Variants in PCDHGB3 observed in about 807,000 individuals in gnomAD.
PCDHGB3 encodes the protein protocadherin gamma subfamily B, 3, also known as protocadherin gamma-B3.
Under a neutral mutation model 59.2 loss-of-function variants are expected in PCDHGB3, and 40 were observed. The ratio of observed to expected loss-of-function variants is 0.68; its 90% CI spans 0.52 to 0.88. PCDHGB3 has a LOEUF of 0.88. Among genes scored for constraint, PCDHGB3 ranks in the 40% least tolerant of loss-of-function variants. The probability of loss-of-function intolerance (pLI) is 0.00; values close to 1 mark genes in which losing one functional copy is unlikely to be tolerated. For missense variants in PCDHGB3, 1,309 were observed against 1,187.9 expected, an observed-to-expected ratio of 1.10 and a Z score of -1.50; for synonymous variants, 581 against 503.6, an observed-to-expected ratio of 1.15 and a Z score of -2.06.
At chr5:141,427,067 G>A (rs1170378664) in intron 1 of PCDHGB3, 1 of 457,930 alleles carries the variant, frequency 2.2e-6, no homozygotes, top group Non-Finnish European at 4.4e-6. Context: ...CTGTACTAAA[G>A]GTGACAGCCA....
At chr5:141,458,630 C>T (rs575289408) in intron 1 of PCDHGB3, among the ~76,000 whole-genome samples, 1 of 151,864 alleles carries the variant, frequency 6.6e-6, no homozygotes, top group Admixed American at 6.6e-5. Flanking sequence ...AGTGCAGTGG[C>T]ACAATCCCAG....
chr5:141,393,414 G>C lies in PCDHGB3; in HGVS notation c.2415+20605G>C, dbSNP rs199973289. 738 of 1,614,038 alleles carry C rather than the reference G, an allele frequency of 4.6e-4. No individual in the cohort carries two copies. The highest frequency in any genetic ancestry group is 5.2e-4 in the Non-Finnish European group (617 of 1,179,898). Reference sequence around the variant, plus strand: ...AGAGCTGGTGCTGGAGCGCGCCCTGGACAGGGAGGAAGAGGCTGCTCACCA... The same window carrying C: ...AGAGCTGGTGCTGGAGCGCGCCCTGCACAGGGAGGAAGAGGCTGCTCACCA... On this transcript the variant is annotated intron_variant, in intron 1 of 3. Coordinates refer to ENST00000576222, the MANE Select transcript of PCDHGB3 (RefSeq NM_018924.5).
chr5:141,390,396 T>G, intron 1 of PCDHGB3: 2 of 1,374,352 alleles, frequency 1.5e-6, no homozygotes, highest in Admixed American at 2.2e-5. Context: ...ATGGATCATT[T>G]TAGGAAAGTT....
At chr5:141,440,822 A>T (rs1561900737) in intron 1 of PCDHGB3, 2 of 152,058 alleles carry the variant, frequency 1.3e-5, no homozygotes, top group Non-Finnish European at 2.9e-5. Context: ...TCAACTCCTG[A>T]TCCTATTGGT....
At chr5:141,413,805 C>T (rs772637762) in intron 1 of PCDHGB3, 1 of 1,613,166 alleles carries the variant, frequency 6.2e-7, no homozygotes, top group South Asian at 1.1e-5. Flanking sequence ...AGGAAGAGGC[C>T]ATTCACCACC....
intron 2 of PCDHGB3, among the ~76,000 whole-genome samples, chr5:141,501,331 ACACC>A (rs747366952): frequency 1.4e-5 from 2 of 138,844 alleles, no homozygotes; most frequent in Non-Finnish European, 3.2e-5. Context: ...ACACACACAC[ACACC>A]CCAAACTCAA....
intron 1 of PCDHGB3, chr5:141,398,756 T>C: frequency 1.9e-6 from 3 of 1,613,924 alleles, no homozygotes; most frequent in Non-Finnish European, 2.5e-6. Context: ...TACCATCGTT[T>C]AGTCCTGACT....
In PCDHGB3 at chr5:141,489,958, C is replaced by T; in HGVS notation, c.2416-4849C>T. 1 of 1,614,202 alleles carries T rather than the reference C, an allele frequency of 6.2e-7. No individual in the cohort carries two copies. The highest frequency in any genetic ancestry group is 8.5e-7 in the Non-Finnish European group (1 of 1,180,016). On this transcript the variant is annotated intron_variant, in intron 1 of 3. Transcript: ENST00000576222. This position sits in a 1 kb window ranked among gnomAD's most constrained non-coding sequence, Gnocchi z 4.5. ...CGTGCTGGACATCAATGATAATGCT[C>T]CAACCTTCCAATCCTCAGTTCTACG... is the stretch of plus-strand genomic sequence containing the variant.
intron 3 of PCDHGB3, among the ~76,000 whole-genome samples, chr5:141,509,596 G>A (rs538867815): frequency 1.3e-5 from 2 of 152,258 alleles, no homozygotes; most frequent in Admixed American, 6.5e-5. Context: ...TGGCAATTCC[G>A]AGAGGCTGCA....
In PCDHGB3 at chr5:141,394,383, C is replaced by G. The variant is rs2092989606; in HGVS notation, c.2415+21574C>G. The G allele has an allele frequency of 3.1e-6, 5 of 1,614,118 alleles. No homozygotes were observed. In the Admixed American group the frequency reaches 5.0e-5, roughly 16 times the overall value. ...TGCGCTGCAATCTTTCGACTATGAG[C>G]AGATCCGAGACCTGCAGCTACTGGT... On this transcript the variant is annotated intron_variant, in intron 1 of 3. Transcript: ENST00000576222.
intron 1 of PCDHGB3, chr5:141,402,800 C>A: frequency 9.3e-7 from 1 of 1,072,728 alleles, no homozygotes; most frequent in Non-Finnish European, 1.3e-6. Flanking sequence ...ACACAAAACC[C>A]GGCAGATACC....
chr5:141,423,364 C>G (rs1299667864), intron 1 of PCDHGB3: 2 of 1,614,102 alleles, frequency 1.2e-6, no homozygotes, highest in East Asian at 4.5e-5. Flanking sequence ...CATCGTGCTG[C>G]TGGCACTCAG....
intron 1 of PCDHGB3, chr5:141,385,450 CA>C (rs1781205135): frequency 4.1e-6 from 6 of 1,446,726 alleles, no homozygotes; most frequent in Admixed American, 5.7e-5. Context: ...ATGAGTTTAC[CA>C]GTTTCCTTCA....
chr5:141,413,490 G>T (rs1255775347), intron 1 of PCDHGB3: 2 of 1,614,070 alleles, frequency 1.2e-6, no homozygotes, highest in Admixed American at 3.3e-5. Flanking sequence ...AGAGCGCGCG[G>T]TGCGTGGTGA....
At chr5:141,475,071 C>T (rs1198043142) in intron 1 of PCDHGB3, among the ~76,000 whole-genome samples, 2 of 152,198 alleles carry the variant, frequency 1.3e-5, no homozygotes, top group Non-Finnish European at 2.9e-5. Context: ...AGCTTTGCTG[C>T]CATTATTTCA....
At chr5:141,498,679 C>T (rs1454800332) in intron 2 of PCDHGB3, among the ~76,000 whole-genome samples, 1 of 152,170 alleles carries the variant, frequency 6.6e-6, no homozygotes, top group African/African-American at 2.4e-5. Flanking sequence ...CGCCTGTAAT[C>T]CCAGCACTTT....
chr5:141,485,886 A>G lies in PCDHGB3; in HGVS notation c.2416-8921A>G. 1.9e-6 allele frequency: 3 copies of G among 1,614,132 alleles called. No individual in the cohort carries two copies. Among genetic ancestry groups the G allele is most frequent in the Non-Finnish European group, 2.5e-6 (3 of 1,180,016 alleles). On this transcript the variant is annotated intron_variant, in intron 1 of 3. Transcript: ENST00000576222. This position sits in a 1 kb window ranked among gnomAD's most constrained non-coding sequence, Gnocchi z 5.7. ...GTATCCGTGCTGGACGTAAACGACAACGCCCCAGCCTTCCAGCAATCCAGC... is the reference window on the plus strand; with the variant it reads ...GTATCCGTGCTGGACGTAAACGACAGCGCCCCAGCCTTCCAGCAATCCAGC...
rs545310006 is a variant in PCDHGB3 at position 141,395,123 on chromosome 5, T to C, written c.2415+22314T>C. ...ACTCGCGGAAGAGTCACCTGATCTTTCCCCAGCCCAACTACGCAGACATGC... is the reference window on the plus strand; with the variant it reads ...ACTCGCGGAAGAGTCACCTGATCTTCCCCCAGCCCAACTACGCAGACATGC... On this transcript the variant is annotated intron_variant, in intron 1 of 3. Coordinates refer to ENST00000576222, the MANE Select transcript of PCDHGB3 (RefSeq NM_018924.5). 2.5e-6 allele frequency: 4 copies of C among 1,614,148 alleles called. No homozygotes were observed. In the Admixed American group the frequency reaches 6.7e-5, roughly 27 times the overall value.
chr5:141,408,202 G>A (rs778320550), intron 1 of PCDHGB3: 6 of 1,549,832 alleles, frequency 3.9e-6, no homozygotes, highest in African/African-American at 1.4e-5. Flanking sequence ...CCGAGCGAAC[G>A]ATGGGAGGGA....
Sources: allele counts gnomAD v4.1 joint callset (sites outside exome capture counted in the v4.1 genomes callset), GRCh38; gene constraint gnomAD v4.1.1; non-coding constraint Gnocchi (gnomAD v3.1); transcripts MANE v1.5; gene names NCBI Gene and HGNC (gene_info 2026-07-23, HGNC 2026-07-21).